Variants in CCSER2 observed in about 807,000 individuals in gnomAD.
CCSER2 encodes serine-rich coiled-coil domain-containing protein 2.
In CCSER2, 46 loss-of-function variants were observed where a neutral mutation model predicts 92.3. The observed-to-expected ratio is 0.50, with a 90% confidence interval of 0.39 to 0.64. The LOEUF (loss-of-function observed/expected upper bound fraction) is 0.64, where lower values mean the gene tolerates loss of function less well. Ranked by LOEUF, CCSER2 falls within the 30% of genes least tolerant of loss-of-function variation. The probability of loss-of-function intolerance (pLI) is 0.00; values close to 1 mark genes in which losing one functional copy is unlikely to be tolerated. For synonymous variants in CCSER2, 433 were observed against 431.4 expected (o/e 1.00, Z -0.04); for missense variants, 1,244 against 1,238.9 (o/e 1.00, Z -0.06).
At chr10:84,394,365 T>C (rs1382196380) in intron 3 of CCSER2, among the ~76,000 whole-genome samples, 3 of 145,838 alleles carry the variant, frequency 2.1e-5, no homozygotes, top group Non-Finnish European at 4.5e-5. Context: ...CATATGCTCT[T>C]GAAATAACAA....
intron 9 of CCSER2, among the ~76,000 whole-genome samples, chr10:84,501,094 T>C (rs1271944159): frequency 6.6e-6 from 1 of 152,062 alleles, no homozygotes; most frequent in Admixed American, 6.6e-5. Context: ...GAAAAGGAGT[T>C]TTTTTGTCCT....
At chr10:84,411,372 A>G (rs527545483) in intron 3 of CCSER2, among the ~76,000 whole-genome samples, 1 of 152,320 alleles carries the variant, frequency 6.6e-6, no homozygotes, top group South Asian at 2.1e-4. Context: ...ATAACATTGA[A>G]TCTATAAATT....
At chr10:84,390,829 A>T in intron 3 of CCSER2, 1 of 528,918 alleles carries the variant, frequency 1.9e-6, no homozygotes, top group Non-Finnish European at 3.5e-6. Context: ...TATGGAGATG[A>T]TCTTGGACAT....
At chr10:84,460,351 C>T (rs886562008) in intron 6 of CCSER2, among the ~76,000 whole-genome samples, 2 of 151,382 alleles carry the variant, frequency 1.3e-5, no homozygotes, top group South Asian at 2.1e-4. Flanking sequence ...TGATCCCCCC[C>T]GTCTTGGCCT....
chr10:84,512,410 G>GAGAA (rs565264767), intron 9 of CCSER2, among the ~76,000 whole-genome samples: 1 of 149,310 alleles, frequency 6.7e-6, no homozygotes, highest in Non-Finnish European at 1.5e-5. Context: ...GAGAGAGAGA[G>GAGAA]AGAGAGGAGA....
In CCSER2 at chr10:84,513,583, G is replaced by A. The variant is rs375900540; in HGVS notation, c.2460G>A (p.Pro820=). ...ACATGCATCAGGGCGGTGCACATCC[G>A]GAAGAAAGCTTTACACACGTCTTGC... ...IQDMHQGGAH[P]EESFTHVLHQ... is the part of the protein sequence containing the mutation. The change falls in exon 10 of 10, where the codon CCG becomes CCA. Residue 820 remains proline (P), a synonymous_variant. Coordinates refer to ENST00000372088, the MANE Select transcript of CCSER2 (RefSeq NM_001284240.2). 4.8e-5 allele frequency: 78 copies of A among 1,613,654 alleles called. No homozygotes were observed. Among genetic ancestry groups the A allele is most frequent in the African/African-American group, 1.6e-4 (12 of 74,866 alleles).
intron 6 of CCSER2, among the ~76,000 whole-genome samples, chr10:84,440,248 C>CTGTAG (rs1844443734): frequency 6.6e-6 from 1 of 152,242 alleles, no homozygotes; most frequent in African/African-American, 2.4e-5. Context: ...CTCTTAGGTA[C>CTGTAG]TACACACGGG....
rs189683992 is a variant in CCSER2, at chr10:84,432,162, A to G, written c.1868+6269A>G. The stretch of plus-strand genomic sequence containing the variant: ...TCCCTAATGATAAATGATGTTGAAC[A>G]TTTTCTCACATGCTTATTTGCCATC... On this transcript the variant is annotated intron_variant, in intron 5 of 9. Transcript: ENST00000372088. 2.7e-3 allele frequency among the ~76,000 whole-genome samples: 410 copies of G among 151,986 alleles called. 3 individuals are homozygous for G. The highest frequency in any genetic ancestry group is 9.1e-3 in the African/African-American group (377 of 41,418).
chr10:84,445,096 C>A (rs1429720358), intron 6 of CCSER2, among the ~76,000 whole-genome samples: 1 of 152,048 alleles, frequency 6.6e-6, no homozygotes, highest in Non-Finnish European at 1.5e-5. Context: ...GAATTTTGAC[C>A]CTGACATGAA....
chr10:84,487,498 T>C (rs924801507), intron 9 of CCSER2, among the ~76,000 whole-genome samples: 14 of 152,176 alleles, frequency 9.2e-5, no homozygotes, highest in Non-Finnish European at 1.3e-4. Context: ...TTTATTCTCT[T>C]TGAAGCAATT....
chr10:84,352,193 A>T (rs1300938524), intron 1 of CCSER2, among the ~76,000 whole-genome samples: 1 of 152,086 alleles, frequency 6.6e-6, no homozygotes. Flanking sequence ...AGTCCCAGGT[A>T]CTCGGGAGGC....
chr10:84,428,824 T>A (rs1453560272), intron 5 of CCSER2, among the ~76,000 whole-genome samples: 1 of 152,090 alleles, frequency 6.6e-6, no homozygotes, highest in African/African-American at 2.4e-5. Flanking sequence ...GGGTGTTGGA[T>A]TTTGTCAATT....
intron 9 of CCSER2, among the ~76,000 whole-genome samples, chr10:84,494,953 A>G (rs774898172): frequency 9.3e-5 from 14 of 150,884 alleles, no homozygotes; most frequent in Non-Finnish European, 1.9e-4. Context: ...AAGAATGGTT[A>G]CACCACAAAA....
chr10:84,428,598 G>A (rs1564652893), intron 5 of CCSER2, among the ~76,000 whole-genome samples: 3 of 152,116 alleles, frequency 2.0e-5, no homozygotes, highest in Admixed American at 1.3e-4. Context: ...GGATAAAAAT[G>A]TCTTTTTATC....
At chr10:84,409,795 C>T (rs1050789858) in intron 3 of CCSER2, among the ~76,000 whole-genome samples, 2 of 152,166 alleles carry the variant, frequency 1.3e-5, no homozygotes, top group African/African-American at 4.8e-5. Flanking sequence ...ATGTACAGGA[C>T]ATGCAGGTTT....
intron 8 of CCSER2, among the ~76,000 whole-genome samples, chr10:84,475,460 A>G (rs1847083628): frequency 2.0e-5 from 3 of 152,370 alleles, no homozygotes; most frequent in East Asian, 1.9e-4. Context: ...TATAGACCAC[A>G]GAAAATAAAT....
chr10:84,455,667 TCA>T (rs1040482604), intron 6 of CCSER2: 3 of 702,824 alleles, frequency 4.3e-6, no homozygotes, highest in Non-Finnish European at 8.1e-6. Flanking sequence ...AGGAGATTGT[TCA>T]CAGTCATGGA....
intron 1 of CCSER2, among the ~76,000 whole-genome samples, chr10:84,354,527 G>A (rs1845050492): frequency 6.6e-6 from 1 of 151,158 alleles, no homozygotes. Context: ...TGGATCATAC[G>A]TTCTCTGTGC....
chr10:84,403,309 C>T (rs996578848), intron 3 of CCSER2, among the ~76,000 whole-genome samples: 4 of 151,976 alleles, frequency 2.6e-5, no homozygotes, highest in African/African-American at 2.4e-5. Flanking sequence ...AATGGATCAT[C>T]GATCATATAA....
Sources: allele counts gnomAD v4.1 joint callset (sites outside exome capture counted in the v4.1 genomes callset), GRCh38; gene constraint gnomAD v4.1.1; transcripts MANE v1.5; gene names NCBI Gene and HGNC (gene_info 2026-07-23, HGNC 2026-07-21).